Variants in MSI2 observed in about 807,000 individuals in gnomAD.
MSI2 encodes musashi RNA binding protein 2, also known as RNA-binding protein Musashi homolog 2.
In MSI2, 17 loss-of-function variants were observed where a neutral mutation model predicts 45.6. That is an observed-to-expected ratio of 0.37 (90% CI 0.26 to 0.56). The LOEUF is 0.56. MSI2 is among the 20% of genes least tolerant of loss of function. The pLI, the probability that MSI2 is intolerant of heterozygous loss-of-function variation, is 0.77. For missense variants in MSI2, 293 were observed against 444.2 expected, an observed-to-expected ratio of 0.66 and a Z score of 3.06; for synonymous variants, 156 against 158.2, an observed-to-expected ratio of 0.99 and a Z score of 0.11.
chr17:57,607,213 A>G (rs552506218), intron 8 of MSI2, among the ~76,000 whole-genome samples: 1 of 152,212 alleles, frequency 6.6e-6, no homozygotes, highest in Non-Finnish European at 1.5e-5. Flanking sequence ...GTGCCTAGTT[A>G]TGGATAGCAC....
chr17:57,320,066 G>A (rs927383650), intron 5 of MSI2, among the ~76,000 whole-genome samples: 1 of 152,130 alleles, frequency 6.6e-6, no homozygotes, highest in Admixed American at 6.5e-5. Context: ...AGCTTCTCTG[G>A]AATGACAGTG....
At chr17:57,671,516 C>T (rs765492927) in intron 11 of MSI2, 1 of 152,084 alleles carries the variant, frequency 6.6e-6, no homozygotes, top group African/African-American at 2.4e-5. Context: ...AGGCACCGTT[C>T]GCTTAGAAGG....
chr17:57,657,114 A>G (rs1326551683), intron 11 of MSI2, among the ~76,000 whole-genome samples: 1 of 152,220 alleles, frequency 6.6e-6, no homozygotes, highest in Non-Finnish European at 1.5e-5. Context: ...GTCGGAGTCC[A>G]TAAAGTCCCC....
intron 6 of MSI2, among the ~76,000 whole-genome samples, chr17:57,430,846 A>T (rs1409175261): frequency 6.6e-6 from 1 of 152,170 alleles, no homozygotes; most frequent in Non-Finnish European, 1.5e-5. Flanking sequence ...ATCAGAGCAT[A>T]GGGGGTCCTC....
chr17:57,674,584 A>G (rs1475954521), intron 11 of MSI2, among the ~76,000 whole-genome samples: 5 of 152,064 alleles, frequency 3.3e-5, no homozygotes, highest in Non-Finnish European at 7.4e-5. Context: ...ATGAGCATCA[A>G]TTCAGATGTG....
chr17:57,591,814 T>G (rs544234501), intron 7 of MSI2, among the ~76,000 whole-genome samples: 67 of 147,900 alleles, frequency 4.5e-4, no homozygotes, highest in African/African-American at 1.6e-3. Context: ...ACAGAAAAGG[T>G]CAGGAGGTGG....
chr17:57,675,483 T>C (rs1275141279), intron 12 of MSI2, among the ~76,000 whole-genome samples: 3 of 152,198 alleles, frequency 2.0e-5, no homozygotes, highest in Non-Finnish European at 4.4e-5. Context: ...GGGAGGATTA[T>C]TCGAAACAGT....
intron 9 of MSI2, among the ~76,000 whole-genome samples, chr17:57,625,173 A>C (rs941656921): frequency 7.2e-5 from 11 of 152,296 alleles, no homozygotes; most frequent in Admixed American, 2.0e-4. Context: ...TTAAGATTTC[A>C]ACATAGAAAT....
At chr17:57,527,899 C>T (rs1320747762) in intron 6 of MSI2, among the ~76,000 whole-genome samples, 4 of 152,194 alleles carry the variant, frequency 2.6e-5, no homozygotes, top group African/African-American at 4.8e-5. Context: ...CTTTGCCCAG[C>T]GTCTTCCCCT....
intron 5 of MSI2, among the ~76,000 whole-genome samples, chr17:57,370,389 C>T (rs2083403122): frequency 6.6e-6 from 1 of 152,178 alleles, no homozygotes; most frequent in South Asian, 2.1e-4. Context: ...TTCTGTTTTG[C>T]AATATCACAG....
intron 9 of MSI2, among the ~76,000 whole-genome samples, chr17:57,621,313 A>C (rs1293774947): frequency 6.6e-6 from 1 of 152,274 alleles, no homozygotes; most frequent in Non-Finnish European, 1.5e-5. Context: ...AAAGTTAACT[A>C]ACCAATGAAA....
chr17:57,346,154 T>A (rs930954233), intron 5 of MSI2, among the ~76,000 whole-genome samples: 1 of 152,254 alleles, frequency 6.6e-6, no homozygotes, highest in Non-Finnish European at 1.5e-5. Flanking sequence ...TTTGTTGATT[T>A]ATTTTATCAC....
chr17:57,409,666 A>C (rs2084150225), intron 6 of MSI2, among the ~76,000 whole-genome samples: 1 of 152,112 alleles, frequency 6.6e-6, no homozygotes, highest in Non-Finnish European at 1.5e-5. Flanking sequence ...GGCTGTTACC[A>C]TGAAATGTTG....
chr17:57,356,184 T>A (rs1328600725), intron 5 of MSI2, among the ~76,000 whole-genome samples: 1 of 152,220 alleles, frequency 6.6e-6, no homozygotes, highest in African/African-American at 2.4e-5. Context: ...CAGTCTTTTT[T>A]AATCTTTTGC....
chr17:57,358,200 G>GTGTGTGTGTGTGTGTGT (rs1567778446), intron 5 of MSI2, among the ~76,000 whole-genome samples: 1 of 41,898 alleles, frequency 2.4e-5, no homozygotes, highest in Non-Finnish European at 4.6e-5. Flanking sequence ...TGTGTGTGTG[G>GTGTGTGTGTGTGTGTGT]GGGGGTGTGT....
At chr17:57,598,526 TCA>T (rs1905495608) in intron 8 of MSI2, among the ~76,000 whole-genome samples, 1 of 152,204 alleles carries the variant, frequency 6.6e-6, no homozygotes, top group Non-Finnish European at 1.5e-5. Context: ...GTTGGAGGCA[TCA>T]ACTCAGACAT....
rs558833345 is a variant in MSI2 at position 57,459,712 on chromosome 17, C to T, written c.405+58241C>T. On this transcript the variant is annotated intron_variant, in intron 6 of 13. Coordinates refer to ENST00000284073, the MANE Select transcript of MSI2 (RefSeq NM_138962.4). Reference sequence around the variant, plus strand: ...ACATTTAACGAAAGTATGGCTTGGCCGGGTGTGGTGGTGACTCACGCCTCT... The same window carrying T: ...ACATTTAACGAAAGTATGGCTTGGCTGGGTGTGGTGGTGACTCACGCCTCT... Among the ~76,000 whole-genome samples, 6 of 152,156 alleles carry T rather than the reference C, an allele frequency of 3.9e-5. No individual in the cohort carries two copies. In the South Asian group the frequency reaches 1.2e-3, roughly 32 times the overall value.
chr17:57,698,589 C>T, the MSI2 span, among the ~76,000 whole-genome samples: 1 of 152,260 alleles, frequency 6.6e-6, no homozygotes, highest in Non-Finnish European at 1.5e-5. Context: ...GTGCAGGGTG[C>T]GCCTTCCGTG....
At chr17:57,406,790 G>A (rs902976944) in intron 6 of MSI2, 1 of 152,202 alleles carries the variant, frequency 6.6e-6, no homozygotes, top group African/African-American at 2.4e-5. Flanking sequence ...CCAAAGTTCT[G>A]TTTCATTAGG....
Sources: allele counts gnomAD v4.1 joint callset (sites outside exome capture counted in the v4.1 genomes callset), GRCh38; gene constraint gnomAD v4.1.1; transcripts MANE v1.5; gene names NCBI Gene and HGNC (gene_info 2026-07-23, HGNC 2026-07-21).